Variants in FGD4 observed in about 807,000 individuals in gnomAD.
FGD4 encodes FYVE, RhoGEF and PH domain-containing protein 4.
A neutral mutation model predicts 102.0 loss-of-function variants in FGD4; 42 were observed. The ratio of observed to expected loss-of-function variants is 0.41; its 90% CI spans 0.32 to 0.53. The LOEUF (loss-of-function observed/expected upper bound fraction) is 0.53. FGD4 is among the 20% of genes least tolerant of loss of function. The probability of loss-of-function intolerance (pLI) is 0.21; values close to 1 mark genes in which losing one functional copy is unlikely to be tolerated. For missense variants in FGD4, 902 were observed against 1,078.2 expected (o/e 0.84, Z 2.29); for synonymous variants, 380 against 375.7 (o/e 1.01, Z -0.13).
chr12:32,483,084 C>T (rs986684114), intron 1 of FGD4, among the ~76,000 whole-genome samples: 3 of 152,048 alleles, frequency 2.0e-5, no homozygotes, highest in African/African-American at 7.2e-5. Flanking sequence ...AGTGTATTCT[C>T]CTTTTATGAA....
chr12:32,604,935 G>GTTTTTTTTTTT (rs1565897132), intron 7 of FGD4, among the ~76,000 whole-genome samples: 2 of 74,940 alleles, frequency 2.7e-5, no homozygotes, highest in African/African-American at 8.4e-5. Context: ...CTTTATAGCT[G>GTTTTTTTTTTT]CTTTTTTTTT....
chr12:32,508,859 T>C (rs1209358822), intron 1 of FGD4, among the ~76,000 whole-genome samples: 2 of 152,360 alleles, frequency 1.3e-5, no homozygotes, highest in East Asian at 3.9e-4. Flanking sequence ...ACAGAGCACA[T>C]GAGCATTGGG....
In FGD4 at chr12:32,582,165, A is replaced by G; in HGVS notation, c.709A>G (p.Met237Val). ...CGGTGTAATGGCAGCACAAAACCAG[A>G]TGGAATGTGAGGAGGAGAAAGCTGC... ...ANGVMAAQNQMECEEEKAATL... is the reference protein window; with the variant it reads ...ANGVMAAQNQVECEEEKAATL... The change falls in exon 4 of 17, where the codon ATG becomes GTG. Residue 237 changes from methionine (M) to valine (V), a missense_variant. Transcript: ENST00000534526. 1.2e-6 allele frequency: 2 copies of G among 1,614,220 alleles called. No individual in the cohort carries two copies. Among genetic ancestry groups the G allele is most frequent in the Non-Finnish European group, 1.7e-6 (2 of 1,180,040 alleles).
At chr12:32,611,031 T>G in intron 9 of FGD4, 106 bp from the exon 10 acceptor site, 1 of 1,392,900 alleles carries the variant, frequency 7.2e-7, no homozygotes, top group Non-Finnish European at 1.0e-6. Flanking sequence ...AATGTATGCT[T>G]ACTCCTAATC....
rs149999368 is a variant in FGD4 at position 32,414,503 on chromosome 12, G to A, written c.166+14544G>A. On this transcript the variant is annotated intron_variant, in intron 1 of 16. Transcript: ENST00000534526. ...TTATTGACTATAGTCACCCTGTTGT[G>A]CTATCAAGTACTAAGTCTTACTTAT... 3.5e-3 allele frequency among the ~76,000 whole-genome samples: 535 copies of A among 152,124 alleles called. 3 individuals are homozygous for A. Among genetic ancestry groups the A allele is most frequent in the African/African-American group, 0.012 (509 of 41,494 alleles).
intron 1 of FGD4, among the ~76,000 whole-genome samples, chr12:32,563,102 C>A (rs1944792160): frequency 6.6e-6 from 1 of 151,006 alleles, no homozygotes; most frequent in Non-Finnish European, 1.5e-5. Flanking sequence ...CTGACCCCCC[C>A]CACCTCCCTC....
At chr12:32,548,895 G>C (rs1943437878) in intron 1 of FGD4, among the ~76,000 whole-genome samples, 1 of 152,194 alleles carries the variant, frequency 6.6e-6, no homozygotes, top group East Asian at 1.9e-4. Context: ...GGTCGTGAGG[G>C]CACCCAAGAT....
At chr12:32,471,637 T>C (rs1943417356) in intron 1 of FGD4, among the ~76,000 whole-genome samples, 1 of 152,126 alleles carries the variant, frequency 6.6e-6, no homozygotes, top group Admixed American at 6.6e-5. Context: ...TTATGTCTCA[T>C]GATTCAGTGG....
intron 15 of FGD4, among the ~76,000 whole-genome samples, chr12:32,635,188 G>A (rs963469045): frequency 6.6e-5 from 10 of 152,118 alleles, no homozygotes; most frequent in Admixed American, 5.9e-4. Flanking sequence ...GATGTTACTC[G>A]TATGGCCTAC....
At chr12:32,453,237 A>ATAT (rs768366013) in intron 1 of FGD4, among the ~76,000 whole-genome samples, 2,252 of 90,454 alleles carry the variant, frequency 0.025, 73 homozygotes, top group East Asian at 0.11. Context: ...ATATATATAT[A>ATAT]TTTTTTTTTT....
At chr12:32,551,334 A>G (rs2136193196) in intron 1 of FGD4, among the ~76,000 whole-genome samples, 1 of 152,332 alleles carries the variant, frequency 6.6e-6, no homozygotes, top group African/African-American at 2.4e-5. Context: ...TAGTAATTTC[A>G]AATAGTTATA....
At chr12:32,546,622 G>A (rs1474018351) in intron 1 of FGD4, among the ~76,000 whole-genome samples, 1 of 152,118 alleles carries the variant, frequency 6.6e-6, no homozygotes, top group African/African-American at 2.4e-5. Context: ...GGAGGTTTGG[G>A]TCAGGCCTAG....
At chr12:32,616,917 C>T (rs114836559) in intron 10 of FGD4, among the ~76,000 whole-genome samples, 2,026 of 152,234 alleles carry the variant, frequency 0.013, 37 homozygotes, top group African/African-American at 0.044. Context: ...TCCAAGATTG[C>T]GGGGCTGGCA....
intron 1 of FGD4, among the ~76,000 whole-genome samples, chr12:32,454,753 C>A (rs943738448): frequency 5.3e-5 from 8 of 152,102 alleles, no homozygotes; most frequent in African/African-American, 1.7e-4. Flanking sequence ...AAATATTTTG[C>A]TGGTATCTTA....
chr12:32,452,505 A>G (rs1942807704), intron 1 of FGD4, among the ~76,000 whole-genome samples: 1 of 152,232 alleles, frequency 6.6e-6, no homozygotes, highest in African/African-American at 2.4e-5. Flanking sequence ...TAGGTATATC[A>G]ATTTGTAAAT....
chr12:32,470,435 C>G (rs988675950), intron 1 of FGD4, among the ~76,000 whole-genome samples: 2 of 151,270 alleles, frequency 1.3e-5, no homozygotes, highest in South Asian at 4.2e-4. Flanking sequence ...ATCCTTCTGA[C>G]TGCTTCGAAG....
intron 1 of FGD4, among the ~76,000 whole-genome samples, chr12:32,440,974 T>G (rs1198449372): frequency 6.6e-6 from 1 of 152,188 alleles, no homozygotes; most frequent in Non-Finnish European, 1.5e-5. Context: ...CTGATGTTCC[T>G]TTAAGGCCCA....
chr12:32,462,226 A>G (rs1343834286), intron 1 of FGD4, among the ~76,000 whole-genome samples: 1 of 151,752 alleles, frequency 6.6e-6, no homozygotes, highest in Non-Finnish European at 1.5e-5. Context: ...CAGTGACCTC[A>G]GCTCACTGCA....
chr12:32,619,583 G>A, intron 10 of FGD4, 115 bp from the exon 11 acceptor site: 1 of 1,189,506 alleles, frequency 8.4e-7, no homozygotes, highest in Non-Finnish European at 1.2e-6. Context: ...AATGAGCCAA[G>A]GTCACACTAT....
Sources: allele counts gnomAD v4.1 joint callset (sites outside exome capture counted in the v4.1 genomes callset), GRCh38; gene constraint gnomAD v4.1.1; transcripts MANE v1.5; gene names NCBI Gene and HGNC (gene_info 2026-07-23, HGNC 2026-07-21).